The following DOCK3 variants were observed in gnomAD, a reference collection of about 807,000 sequenced individuals.
The protein encoded by DOCK3 is dedicator of cytokinesis protein 3.
DOCK3 carries 60 observed loss-of-function variants against 265.6 expected under a neutral mutation model. The ratio of observed to expected loss-of-function variants is 0.23; its 90% CI spans 0.18 to 0.28. DOCK3 has a LOEUF of 0.28. Ranked by LOEUF, DOCK3 falls within the 10% of genes least tolerant of loss-of-function variation. DOCK3 has a pLI of 1.00. For synonymous variants in DOCK3, 881 were observed against 938.0 expected (o/e 0.94, Z 1.11); for missense variants, 1,981 against 2,594.3 (o/e 0.76, Z 5.14).
At chr3:50,901,178 G>GA (rs1575483523) in intron 4 of DOCK3, among the ~76,000 whole-genome samples, 1 of 151,904 alleles carries the variant, frequency 6.6e-6, no homozygotes, top group East Asian at 1.9e-4. Context: ...CCTGCCCAGA[G>GA]GAGGAATCCT....
intron 12 of DOCK3, among the ~76,000 whole-genome samples, chr3:51,173,456 A>G (rs1037178615): frequency 1.2e-4 from 19 of 152,124 alleles, no homozygotes; most frequent in Non-Finnish European, 8.8e-5. Context: ...TCATGTTACT[A>G]ATTAGTGTTC....
At chr3:50,905,715 C>T (rs1252373678) in intron 4 of DOCK3, among the ~76,000 whole-genome samples, 1 of 152,018 alleles carries the variant, frequency 6.6e-6, no homozygotes, top group African/African-American at 2.4e-5. Flanking sequence ...CAAACAGGGA[C>T]AATTTGACTT....
At chr3:51,339,714 G>A (rs2085111476) in intron 37 of DOCK3, among the ~76,000 whole-genome samples, 1 of 152,202 alleles carries the variant, frequency 6.6e-6, no homozygotes, top group Non-Finnish European at 1.5e-5. Context: ...GTGCATGCAT[G>A]TGTGTCCTAT....
chr3:51,238,819 A>T (rs1277587508), intron 21 of DOCK3, among the ~76,000 whole-genome samples: 2 of 152,196 alleles, frequency 1.3e-5, no homozygotes, highest in Admixed American at 1.3e-4. Flanking sequence ...ATAGTATTCC[A>T]TGGTATATAT....
intron 22 of DOCK3, among the ~76,000 whole-genome samples, chr3:51,254,757 G>A (rs1056517329): frequency 6.6e-6 from 1 of 152,094 alleles, no homozygotes; most frequent in Non-Finnish European, 1.5e-5. Context: ...GAGCCTATGT[G>A]TGTCTCTGCA....
intron 5 of DOCK3, among the ~76,000 whole-genome samples, chr3:51,048,862 CA>C (rs762328354): frequency 3.4e-4 from 44 of 128,484 alleles, no homozygotes; most frequent in Admixed American, 4.0e-4. Context: ...GACTCCATCT[CA>C]AAAAAAAAAA....
intron 31 of DOCK3, 115 bp downstream of exon 31, chr3:51,313,017 T>C: frequency 1.1e-6 from 1 of 950,792 alleles, no homozygotes; most frequent in Non-Finnish European, 1.6e-6. Flanking sequence ...CAAGAGATCC[T>C]TACATATCTT....
At chr3:50,806,384 C>T (rs1576492098) in intron 2 of DOCK3, among the ~76,000 whole-genome samples, 2 of 151,926 alleles carry the variant, frequency 1.3e-5, no homozygotes, top group South Asian at 4.1e-4. Flanking sequence ...TTCTCAAGTC[C>T]TTATTGGGAG....
At chr3:51,368,331 C>G (rs536397496) in intron 49 of DOCK3, among the ~76,000 whole-genome samples, 3 of 152,182 alleles carry the variant, frequency 2.0e-5, no homozygotes, top group Non-Finnish European at 2.9e-5. Context: ...CAGATGGTAC[C>G]TGGAAAATCG....
intron 5 of DOCK3, among the ~76,000 whole-genome samples, chr3:50,957,013 C>T (rs936693623): frequency 1.5e-4 from 23 of 152,174 alleles, no homozygotes; most frequent in Middle Eastern, 3.2e-3. Context: ...GATCTGCCTG[C>T]CTTGCCCTCC....
In DOCK3 at chr3:51,055,633, T is replaced by C. The variant is rs9311463; in HGVS notation, c.316-8815T>C. On this transcript the variant is annotated intron_variant, in intron 5 of 52. Coordinates refer to ENST00000266037, the MANE Select transcript of DOCK3 (RefSeq NM_004947.5). ...TGAGCCTGAGAACGCCTCAGCTGTT[T>C]ACTGCCCACTGTTAGGTAAGTCTGC... Among the ~76,000 whole-genome samples the C allele has an allele frequency of 3.0e-3, 453 of 152,332 alleles. 3 individuals carry two copies. The highest frequency in any genetic ancestry group is 0.01 in the African/African-American group (433 of 41,582).
chr3:50,824,452 G>A (rs2044641998), intron 2 of DOCK3, among the ~76,000 whole-genome samples: 1 of 152,162 alleles, frequency 6.6e-6, no homozygotes, highest in African/African-American at 2.4e-5. Context: ...TTTGTTTTGT[G>A]ATTTTGTTTA....
At chr3:50,916,899 T>G (rs1310288843) in intron 4 of DOCK3, among the ~76,000 whole-genome samples, 1 of 151,414 alleles carries the variant, frequency 6.6e-6, no homozygotes, top group Admixed American at 6.6e-5. Flanking sequence ...GCTCCCTTTA[T>G]GAGGGGGACA....
chr3:50,884,797 G>A (rs912099308), intron 3 of DOCK3, among the ~76,000 whole-genome samples: 11 of 151,984 alleles, frequency 7.2e-5, no homozygotes, highest in African/African-American at 2.7e-4. Flanking sequence ...GAAAGTACAG[G>A]GTTTTCCTCC....
chr3:50,958,944 C>A (rs1160689131), intron 5 of DOCK3, among the ~76,000 whole-genome samples: 1 of 152,104 alleles, frequency 6.6e-6, no homozygotes, highest in East Asian at 1.9e-4. Flanking sequence ...AAAATTCATT[C>A]ATTTTAAGTA....
chr3:50,975,386 C>G (rs2077408100), intron 5 of DOCK3, among the ~76,000 whole-genome samples: 1 of 150,248 alleles, frequency 6.7e-6, no homozygotes, highest in African/African-American at 2.4e-5. Context: ...TTTTCCGCAT[C>G]TATTGAGATA....
intron 1 of DOCK3, among the ~76,000 whole-genome samples, chr3:50,739,474 C>G (rs1441759962): frequency 6.6e-6 from 1 of 152,120 alleles, no homozygotes; most frequent in Non-Finnish European, 1.5e-5. Context: ...AGTACCTTTT[C>G]TTAGCATTTA....
intron 4 of DOCK3, among the ~76,000 whole-genome samples, chr3:50,920,046 T>A (rs1000772921): frequency 6.6e-6 from 1 of 152,220 alleles, no homozygotes; most frequent in African/African-American, 2.4e-5. Flanking sequence ...ATATGATGGA[T>A]TATGTTTATT....
chr3:51,279,973 T>A (rs1488514569), intron 26 of DOCK3, 133 bp from the exon 27 acceptor site: 9 of 697,328 alleles, frequency 1.3e-5, no homozygotes, highest in Non-Finnish European at 2.0e-5. Flanking sequence ...TTTAGAGGGC[T>A]AGATTTGTCA....
Sources: allele counts gnomAD v4.1 joint callset (sites outside exome capture counted in the v4.1 genomes callset), GRCh38; gene constraint gnomAD v4.1.1; transcripts MANE v1.5; gene names NCBI Gene and HGNC (gene_info 2026-07-23, HGNC 2026-07-21).